DPY19L2: variants seen among roughly 807,000 people sequenced by gnomAD.
DPY19L2 encodes dpy-19 like 2.
A neutral mutation model predicts 97.9 loss-of-function variants in DPY19L2; 34 were observed. That is an observed-to-expected ratio of 0.35 (90% CI 0.26 to 0.46). The LOEUF is 0.46. Among genes scored for constraint, DPY19L2 ranks in the 20% least tolerant of loss-of-function variants. The pLI is 1.00. For synonymous variants in DPY19L2, 230 were observed against 307.9 expected (o/e 0.75, Z 2.65); for missense variants, 623 against 911.4 (o/e 0.68, Z 4.07).
intron 15 of DPY19L2, among the ~76,000 whole-genome samples, chr12:63,594,750 T>C (rs1036148064): frequency 6.6e-5 from 10 of 152,046 alleles, no homozygotes; most frequent in Admixed American, 5.9e-4. Flanking sequence ...TTATAAGTCT[T>C]GGATCTTAAT....
intron 21 of DPY19L2, among the ~76,000 whole-genome samples, chr12:63,566,423 T>C (rs1313662813): frequency 1.3e-5 from 2 of 151,996 alleles, no homozygotes; most frequent in African/African-American, 2.4e-5. Flanking sequence ...AGAGATCCCT[T>C]GTATAGCCAC....
intron 13 of DPY19L2, 130 bp from the exon 14 acceptor site, chr12:63,598,040 C>A: frequency 4.7e-6 from 3 of 633,634 alleles, no homozygotes; most frequent in Non-Finnish European, 7.1e-6. Context: ...AGACATCCCT[C>A]TAAGAAAACA....
chr12:63,583,906 T>A (rs1423573187), intron 16 of DPY19L2, 70 bp from the exon 17 acceptor site: 2 of 1,340,534 alleles, frequency 1.5e-6, no homozygotes, highest in Middle Eastern at 1.9e-4. Context: ...AAAATAAGCT[T>A]CATTTGCTTG....
chr12:63,655,144 C>T (rs531081456), intron 4 of DPY19L2, among the ~76,000 whole-genome samples: 400 of 152,132 alleles, frequency 2.6e-3, no homozygotes, highest in African/African-American at 9.0e-3. Context: ...ATAAAACAAA[C>T]AATTCAAATA....
At chr12:63,623,908 T>G (rs1333062054) in intron 8 of DPY19L2, 132 bp downstream of exon 8, 4 of 602,304 alleles carry the variant, frequency 6.6e-6, no homozygotes, top group African/African-American at 5.6e-5. Flanking sequence ...TTCACCATGT[T>G]GGCCAGGCTG....
chr12:63,627,817 T>C (rs372727758), intron 6 of DPY19L2, among the ~76,000 whole-genome samples: 103 of 152,270 alleles, frequency 6.8e-4, no homozygotes, highest in African/African-American at 2.4e-3. Context: ...GACAGGTTCT[T>C]TATCTGTCTT....
At chr12:63,630,498 A>T (rs572001630) in intron 6 of DPY19L2, among the ~76,000 whole-genome samples, 1 of 152,206 alleles carries the variant, frequency 6.6e-6, no homozygotes, top group Non-Finnish European at 1.5e-5. Flanking sequence ...AAAGGGATCA[A>T]TTCAACAAGA....
chr12:63,628,331 G>A (rs952202379), intron 6 of DPY19L2, among the ~76,000 whole-genome samples: 1 of 152,186 alleles, frequency 6.6e-6, no homozygotes, highest in Non-Finnish European at 1.5e-5. Flanking sequence ...AGAAAGGGGT[G>A]AAAGAAGGCA....
At chr12:63,606,279 T>G (rs1207760503) in intron 12 of DPY19L2, among the ~76,000 whole-genome samples, 1 of 152,096 alleles carries the variant, frequency 6.6e-6, no homozygotes, top group African/African-American at 2.4e-5. Context: ...CTAGGCTAGT[T>G]TGGACCTTTA....
chr12:63,562,587 G>C (rs557666072), intron 21 of DPY19L2, among the ~76,000 whole-genome samples: 1 of 152,244 alleles, frequency 6.6e-6, no homozygotes, highest in Non-Finnish European at 1.5e-5. Context: ...CTGTCTTGCA[G>C]AGTGGTTGTA....
At chr12:63,602,958 G>T (rs1323361483) in intron 12 of DPY19L2, among the ~76,000 whole-genome samples, 2 of 152,074 alleles carry the variant, frequency 1.3e-5, no homozygotes, top group African/African-American at 2.4e-5. Flanking sequence ...TACAACAAAG[G>T]TTTTCACATT....
At chr12:63,624,578 A>G (rs879337597) in intron 7 of DPY19L2, among the ~76,000 whole-genome samples, 2 of 152,172 alleles carry the variant, frequency 1.3e-5, no homozygotes, top group African/African-American at 2.4e-5. Flanking sequence ...AACAAGTAGG[A>G]ATGAATATAA....
chr12:63,590,003 C>T (rs11504145), intron 16 of DPY19L2, among the ~76,000 whole-genome samples: 7,392 of 152,000 alleles, frequency 0.049, 530 homozygotes, highest in African/African-American at 0.17. Flanking sequence ...TGACGGGTGC[C>T]TGTTATCCCA....
intron 3 of DPY19L2, among the ~76,000 whole-genome samples, chr12:63,663,278 CA>C (rs1474421699): frequency 2.6e-5 from 4 of 151,552 alleles, no homozygotes; most frequent in African/African-American, 9.7e-5. Context: ...ATGTACAGCA[CA>C]AAACTCCATT....
intron 12 of DPY19L2, among the ~76,000 whole-genome samples, chr12:63,604,342 C>A (rs181533552): frequency 2.0e-5 from 3 of 152,232 alleles, no homozygotes; most frequent in African/African-American, 4.8e-5. Flanking sequence ...ACTTGGGAAT[C>A]GCTCAGTATC....
intron 6 of DPY19L2, among the ~76,000 whole-genome samples, chr12:63,638,758 C>T (rs1273190524): frequency 2.6e-5 from 4 of 152,108 alleles, no homozygotes; most frequent in Non-Finnish European, 4.4e-5. Flanking sequence ...GGATCAATAT[C>T]GTGAAAATTG....
At chr12:63,580,002 T>C (rs1311636845) in intron 19 of DPY19L2, among the ~76,000 whole-genome samples, 1 of 152,120 alleles carries the variant, frequency 6.6e-6, no homozygotes, top group Non-Finnish European at 1.5e-5. Context: ...GAAAATGTTA[T>C]AGACTTATTC....
chr12:63,591,022 T>C (rs1244211627), intron 16 of DPY19L2: 5 of 455,010 alleles, frequency 1.1e-5, no homozygotes, highest in Admixed American at 2.4e-5. Flanking sequence ...ATTATCCAAT[T>C]AAATATCCCA....
chr12:63,641,442 G>C (rs1282863538), intron 6 of DPY19L2, among the ~76,000 whole-genome samples: 1 of 151,946 alleles, frequency 6.6e-6, no homozygotes. Flanking sequence ...CAGCCTCCAA[G>C]ATAAGAATCA....
Sources: allele counts gnomAD v4.1 joint callset (sites outside exome capture counted in the v4.1 genomes callset), GRCh38; gene constraint gnomAD v4.1.1; transcripts MANE v1.5; gene names NCBI Gene and HGNC (gene_info 2026-07-23, HGNC 2026-07-21).